Variants in C17orf99 observed in about 807,000 individuals in gnomAD.
C17orf99 encodes protein IL-40.
C17orf99 carries 18 observed loss-of-function variants against 22.6 expected under a neutral mutation model. That is an observed-to-expected ratio of 0.80 (90% CI 0.55 to 1.18). The LOEUF (loss-of-function observed/expected upper bound fraction) is 1.18. Ranked by LOEUF, C17orf99 falls within the 50% of genes most tolerant of loss-of-function variation. The probability of loss-of-function intolerance (pLI) is 0.00; values close to 1 mark genes in which losing one functional copy is unlikely to be tolerated. For synonymous variants in C17orf99, 147 were observed against 136.6 expected, an observed-to-expected ratio of 1.08 and a Z score of -0.53; for missense variants, 328 against 342.7, an observed-to-expected ratio of 0.96 and a Z score of 0.34.
chr17:78,153,716 G>A (rs762919641), intron 2 of C17orf99, among the ~76,000 whole-genome samples: 1 of 152,108 alleles, frequency 6.6e-6, no homozygotes, highest in South Asian at 2.1e-4. Context: ...ACGTGAGGCA[G>A]GCTTCTGGCC....
In C17orf99 at chr17:78,146,449, G is replaced by A; in HGVS notation, c.37+5G>A. ...TGTTCTGCTTGGCCGTGCTGGGTGA[G>A]TCCACCAGGGACGTGATGGTGGGGC... On this transcript the variant is annotated splice_donor_5th_base_variant and intron_variant, in intron 1 of 4. Transcript: ENST00000340363. The surrounding 1 kb of genome is among the most constrained non-coding windows in gnomAD (Gnocchi z 5.2). 6.5e-7 allele frequency: 1 copy of A among 1,550,046 alleles called. No homozygotes were observed.
intron 2 of C17orf99, among the ~76,000 whole-genome samples, chr17:78,156,117 G>A (rs2145783739): frequency 6.6e-6 from 1 of 151,216 alleles, no homozygotes; most frequent in South Asian, 2.1e-4. Flanking sequence ...ATCACCTGAG[G>A]TCAAGAGTTC....
At chr17:78,145,856 C>T (rs952955966), upstream of C17orf99, among the ~76,000 whole-genome samples, 4 of 144,922 alleles carry the variant, frequency 2.8e-5, no homozygotes, top group African/African-American at 1.0e-4. Flanking sequence ...AGTGCAGTAG[C>T]GTGATCTTGG....
At chr17:78,156,332 G>GAAAAAAA (rs769438256) in intron 2 of C17orf99, among the ~76,000 whole-genome samples, 8 of 63,370 alleles carry the variant, frequency 1.3e-4, no homozygotes, top group Admixed American at 3.9e-4. Context: ...TCCTTCTCCA[G>GAAAAAAA]AAAAAAAAAA....
chr17:78,155,861 A>G (rs868553495), intron 2 of C17orf99, among the ~76,000 whole-genome samples: 46 of 151,640 alleles, frequency 3.0e-4, no homozygotes, highest in Middle Eastern at 3.4e-3. Context: ...TCCTGACCTC[A>G]GGTGATCCAC....
chr17:78,159,554 T>C (rs1482597605), intron 2 of C17orf99, among the ~76,000 whole-genome samples: 3 of 149,454 alleles, frequency 2.0e-5, no homozygotes, highest in African/African-American at 7.5e-5. Context: ...CACGAGAATC[T>C]CTTGAACACG....
chr17:78,166,252 A>G lies in C17orf99; in HGVS notation c.*206A>G, dbSNP rs2075617063. The G allele has an allele frequency of 2.7e-6, 1 of 372,382 alleles. No individual in the cohort carries two copies. The allele number at this position is 372,382 out of a possible 1,614,324, so 23.1% of individuals were successfully genotyped here. A position where few individuals can be genotyped will look rare whatever the true frequency, so the allele number is the denominator to read the frequency against. On this transcript the variant is annotated 3_prime_UTR_variant, in exon 5 of 5. Transcript: ENST00000340363. ...CCTTTGTGCTATCTATATTATCTATATGAATCCCATCATATCAGGTTGTCT... is the reference window on the plus strand; with the variant it reads ...CCTTTGTGCTATCTATATTATCTATGTGAATCCCATCATATCAGGTTGTCT...
chr17:78,157,380 G>C, intron 2 of C17orf99: 1 of 1,150,162 alleles, frequency 8.7e-7, no homozygotes. Context: ...AGTGGACAGG[G>C]TTGAGTCAGT....
intron 2 of C17orf99, among the ~76,000 whole-genome samples, chr17:78,159,544 C>A (rs1174081227): frequency 1.3e-5 from 2 of 149,248 alleles, no homozygotes; most frequent in African/African-American, 5.0e-5. Context: ...GAGGCTGAGG[C>A]ACGAGAATCT....
chr17:78,152,562 T>G (rs1025124989), intron 2 of C17orf99, among the ~76,000 whole-genome samples: 8 of 151,960 alleles, frequency 5.3e-5, no homozygotes, highest in Non-Finnish European at 8.8e-5. Context: ...CTCGAACTTC[T>G]GAGTTCAAGT....
intron 2 of C17orf99, among the ~76,000 whole-genome samples, chr17:78,157,066 A>G (rs2075531254): frequency 6.6e-6 from 1 of 152,098 alleles, no homozygotes; most frequent in Admixed American, 6.6e-5. Context: ...ACGGTGGCTC[A>G]CGCTTGTAAT....
At chr17:78,165,673 G>A (rs1457445065) in intron 4 of C17orf99, 22 of 894,086 alleles carry the variant, frequency 2.5e-5, no homozygotes, top group South Asian at 1.1e-4. Context: ...GTGGTGGTGC[G>A]CACCTGTAGT....
intron 3 of C17orf99, among the ~76,000 whole-genome samples, chr17:78,163,672 C>G (rs554167721): frequency 1.3e-5 from 2 of 152,160 alleles, no homozygotes; most frequent in African/African-American, 2.4e-5. Flanking sequence ...TTGAGACCAG[C>G]CTGGCCAACA....
At chr17:78,146,303 A>T, upstream of C17orf99, 1 of 1,044,916 alleles carries the variant, frequency 9.6e-7, no homozygotes, top group Non-Finnish European at 1.4e-6. This position sits in a 1 kb window ranked among gnomAD's most constrained non-coding sequence, Gnocchi z 5.2. Flanking sequence ...TTATCTCCCC[A>T]CTGCAGGCAC....
At chr17:78,161,495 G>A (rs2075576348) in intron 3 of C17orf99, among the ~76,000 whole-genome samples, 1 of 152,226 alleles carries the variant, frequency 6.6e-6, no homozygotes, top group Admixed American at 6.5e-5. Context: ...TGAGGGCACA[G>A]AGGGAAAGAG....
chr17:78,161,062 T>C lies in C17orf99; in HGVS notation c.178T>C (p.Tyr60His). 6.4e-7 allele frequency: 1 copy of C among 1,551,742 alleles called. No individual in the cohort carries two copies. Among genetic ancestry groups the C allele is most frequent in the Non-Finnish European group, 8.7e-7 (1 of 1,146,988 alleles). Residue 60 changes from tyrosine to histidine, a missense_variant, in exon 3 of 5, where the codon TAT becomes CAT. Tyr to His is a moderately conservative substitution (Grantham distance 83). Coordinates refer to ENST00000340363, the MANE Select transcript of C17orf99 (RefSeq NM_001163075.2). ...ACCCCAGCCACCACCGCCCATCACC[T>C]ATTCCCTCTGTGGAACCAAGAACAT... ...CAPQPPPPITYSLCGTKNIKV... is the reference protein window; with the variant it reads ...CAPQPPPPITHSLCGTKNIKV...
chr17:78,164,622 G>A, intron 4 of C17orf99: 1 of 1,503,404 alleles, frequency 6.7e-7, no homozygotes, highest in South Asian at 1.2e-5. Flanking sequence ...CTCCACTGCG[G>A]CCATCACCTC....
At chr17:78,161,635 G>A (rs905114865) in intron 3 of C17orf99, among the ~76,000 whole-genome samples, 1 of 152,094 alleles carries the variant, frequency 6.6e-6, no homozygotes, top group Non-Finnish European at 1.5e-5. Flanking sequence ...CTTGAGCCCA[G>A]GAGTTCGATA....
Position 78,165,492 on chromosome 17 carries a change from T to C in C17orf99, c.641-397T>C, listed in dbSNP as rs553464038. 155 of 986,366 alleles carry C rather than the reference T, an allele frequency of 1.6e-4. No homozygotes were observed. In the African/African-American group the frequency reaches 2.5e-3, roughly 16 times the overall value. The allele number at this position is 986,366 out of a possible 1,614,324, so 61.1% of individuals were successfully genotyped here. A position where few individuals can be genotyped will look rare whatever the true frequency, so the allele number is the denominator to read the frequency against. On this transcript the variant is annotated intron_variant, in intron 4 of 4. Coordinates refer to ENST00000340363, the MANE Select transcript of C17orf99 (RefSeq NM_001163075.2). ...TGTCTCTTCTGCTGGGGCACTGATGTGCTTGGCACCATAAAACTCCCAGAG... is the reference window on the plus strand; with the variant it reads ...TGTCTCTTCTGCTGGGGCACTGATGCGCTTGGCACCATAAAACTCCCAGAG...
Sources: gnomAD v4.1 joint callset for allele counts (sites outside exome capture counted in the v4.1 genomes callset) on GRCh38, gnomAD v4.1.1 for gene constraint, Gnocchi (gnomAD v3.1) non-coding constraint, MANE v1.5 for transcripts, NCBI Gene and HGNC (gene_info 2026-07-23, HGNC 2026-07-21) for gene names.